NEMP2: variants seen among roughly 807,000 people sequenced by gnomAD.
The protein encoded by NEMP2 is UPF0571 transmembrane protein.
In NEMP2, 53 loss-of-function variants were observed where a neutral mutation model predicts 54.2. The observed-to-expected ratio is 0.98, with a 90% CI of 0.78 to 1.23. The LOEUF is 1.23. NEMP2 is among the 50% of genes most tolerant of loss of function. NEMP2 has a pLI of 0.00. For missense variants in NEMP2, 455 were observed against 511.3 expected (o/e 0.89, Z 1.06); for synonymous variants, 197 against 190.3 (o/e 1.04, Z -0.29).
At chr2:190,554,318 C>G in the NEMP2 span, among the ~76,000 whole-genome samples, 3 of 152,132 alleles carry the variant, frequency 2.0e-5, no homozygotes, top group Admixed American at 2.0e-4. The surrounding 1 kb of genome is among the most constrained non-coding windows in gnomAD (Gnocchi z 5.7). Flanking sequence ...CGTTGACTCC[C>G]CTGGAAAGGA....
At chr2:190,476,754 CAT>C in the NEMP2 span, among the ~76,000 whole-genome samples, 5 of 152,114 alleles carry the variant, frequency 3.3e-5, no homozygotes, top group South Asian at 4.1e-4. Context: ...CACATGCACA[CAT>C]ATGTTTATTG....
At chr2:190,569,503 A>G in the NEMP2 span, among the ~76,000 whole-genome samples, 2 of 152,226 alleles carry the variant, frequency 1.3e-5, no homozygotes, top group African/African-American at 2.4e-5. Context: ...AAAAATCTTT[A>G]ACATCTTCCA....
the NEMP2 span, among the ~76,000 whole-genome samples, chr2:190,604,061 A>G: frequency 1.3e-5 from 2 of 152,242 alleles, no homozygotes; most frequent in Middle Eastern, 3.2e-3. This position sits in a 1 kb window ranked among gnomAD's most constrained non-coding sequence, Gnocchi z 4.5. Flanking sequence ...TCTCTATTAT[A>G]AAATGAAAGA....
At chr2:190,448,835 A>G in the NEMP2 span, among the ~76,000 whole-genome samples, 6 of 152,180 alleles carry the variant, frequency 3.9e-5, no homozygotes, top group Non-Finnish European at 8.8e-5. Context: ...TTGGTGCTAG[A>G]CAGTCTCTAC....
rs1310899347 is a variant in NEMP2, at chr2:190,533,927, G to A, written c.97+632C>T. ...GCCCACTCCGTGGCGAGCCCCTACA[G>A]CTAGCAGCCGCTACCAGTTCTTGCT... On this transcript the variant is annotated intron_variant, in intron 1 of 8. Coordinates refer to ENST00000409150, the MANE Select transcript of NEMP2 (RefSeq NM_001142645.2). The surrounding 1 kb of genome is among the most constrained non-coding windows in gnomAD (Gnocchi z 4.3). The A allele has an allele frequency of 1.0e-6, 1 of 971,230 alleles. No individual in the cohort carries two copies. The highest frequency in any genetic ancestry group is 1.2e-6 in the Non-Finnish European group (1 of 817,126). 60.2% of individuals were successfully genotyped at this position (971,230 alleles called of 1,614,324 possible). A position where few individuals can be genotyped will look rare whatever the true frequency, so the allele number is the denominator to read the frequency against.
the NEMP2 span, chr2:190,463,848 TAAA>T: frequency 1.0e-6 from 1 of 975,118 alleles, no homozygotes; most frequent in Non-Finnish European, 1.2e-6. The surrounding 1 kb of genome is among the most constrained non-coding windows in gnomAD (Gnocchi z 4.4). Context: ...AAAATAAAAA[TAAA>T]AAGCTGAGAA....
the NEMP2 span, among the ~76,000 whole-genome samples, chr2:190,475,052 A>G: frequency 6.6e-6 from 1 of 152,220 alleles, no homozygotes; most frequent in Non-Finnish European, 1.5e-5. Context: ...TTAGGTATTG[A>G]TGGGACATAT....
At chr2:190,639,474 T>A in the NEMP2 span, among the ~76,000 whole-genome samples, 4 of 94,088 alleles carry the variant, frequency 4.3e-5, no homozygotes, top group Admixed American at 9.6e-5. Context: ...TAGCTCGCAG[T>A]TTTTGTTGAC....
At chr2:190,604,488 C>A in the NEMP2 span, among the ~76,000 whole-genome samples, 1 of 152,200 alleles carries the variant, frequency 6.6e-6, no homozygotes, top group East Asian at 1.9e-4. The surrounding 1 kb of genome is among the most constrained non-coding windows in gnomAD (Gnocchi z 4.5). Flanking sequence ...ACAGAAACCA[C>A]AATGTGCCTA....
chr2:190,600,072 C>T, the NEMP2 span, among the ~76,000 whole-genome samples: 13 of 152,316 alleles, frequency 8.5e-5, no homozygotes, highest in Non-Finnish European at 1.3e-4. This position sits in a 1 kb window ranked among gnomAD's most constrained non-coding sequence, Gnocchi z 4.9. Context: ...TACAGAGCAA[C>T]TAGAACCTTA....
At chr2:190,625,810 A>T in the NEMP2 span, 5 of 152,190 alleles carry the variant, frequency 3.3e-5, no homozygotes, top group Non-Finnish European at 7.4e-5. Flanking sequence ...TGTGTTTCTG[A>T]CACATGGCCA....
chr2:190,586,818 A>G, the NEMP2 span, among the ~76,000 whole-genome samples: 3 of 152,218 alleles, frequency 2.0e-5, no homozygotes, highest in Non-Finnish European at 2.9e-5. This position sits in a 1 kb window ranked among gnomAD's most constrained non-coding sequence, Gnocchi z 4.5. Context: ...AGGAACTAAC[A>G]GATACCTATC....
the NEMP2 span, among the ~76,000 whole-genome samples, chr2:190,551,737 A>G: frequency 1.3e-5 from 2 of 152,226 alleles, no homozygotes; most frequent in Non-Finnish European, 2.9e-5. Context: ...AAATTTTTAC[A>G]TGAAAGTGTC....
At chr2:190,480,181 CA>C in the NEMP2 span, among the ~76,000 whole-genome samples, 3 of 152,292 alleles carry the variant, frequency 2.0e-5, no homozygotes, top group East Asian at 3.9e-4. Context: ...AACAAACAAA[CA>C]AAGCACATTT....
the NEMP2 span, among the ~76,000 whole-genome samples, chr2:190,460,776 G>A: frequency 6.6e-6 from 1 of 152,212 alleles, no homozygotes; most frequent in African/African-American, 2.4e-5. Context: ...TGGGGATGGT[G>A]GCCGAGTGAG....
chr2:190,518,619 A>G, intron 4 of NEMP2, 117 bp downstream of exon 4: 1 of 853,710 alleles, frequency 1.2e-6, no homozygotes, highest in Non-Finnish European at 1.8e-6. Context: ...TATTGTTTGC[A>G]AAACCTAAAG....
At chr2:190,544,644 T>C in the NEMP2 span, among the ~76,000 whole-genome samples, 1 of 152,136 alleles carries the variant, frequency 6.6e-6, no homozygotes, top group Admixed American at 6.5e-5. Context: ...TGATTGGTGA[T>C]TACTGAATCA....
At chr2:190,434,098 G>C in the NEMP2 span, among the ~76,000 whole-genome samples, 68,554 of 150,816 alleles carry the variant, frequency 0.45, 15,977 homozygotes, top group East Asian at 0.6. The surrounding 1 kb of genome is among the most constrained non-coding windows in gnomAD (Gnocchi z 4.3). Flanking sequence ...TGGAAGGATT[G>C]CTTGAGACTG....
the NEMP2 span, among the ~76,000 whole-genome samples, chr2:190,544,304 G>A: frequency 7.2e-5 from 11 of 152,086 alleles, no homozygotes; most frequent in Admixed American, 7.2e-4. Flanking sequence ...AATAAGTCAT[G>A]TCAAAACTAA....
Sources: allele counts gnomAD v4.1 joint callset (sites outside exome capture counted in the v4.1 genomes callset), GRCh38; gene constraint gnomAD v4.1.1; non-coding constraint Gnocchi (gnomAD v3.1); transcripts MANE v1.5; gene names NCBI Gene and HGNC (gene_info 2026-07-23, HGNC 2026-07-21).